The following SAMMSON variants were observed in gnomAD, a reference collection of about 807,000 sequenced individuals.
The protein encoded by SAMMSON is survival associated mitochondrial melanoma specific oncogenic non-coding RNA.
At chr3:70,069,593 A>G (rs1369534651) in intron 3 of SAMMSON, 1 of 152,134 alleles carries the variant, frequency 6.6e-6, no homozygotes, top group Non-Finnish European at 1.5e-5. Context: ...ACAAGCATTT[A>G]CCGGAAGCCC....
At chr3:70,239,853 C>T (rs1238490488) in intron 4 of SAMMSON, among the ~76,000 whole-genome samples, 1 of 152,050 alleles carries the variant, frequency 6.6e-6, no homozygotes, top group Non-Finnish European at 1.5e-5. Context: ...GATAGATCAT[C>T]AGTGAATATT....
At chr3:70,283,441 A>C (rs1011752456) in intron 6 of SAMMSON, among the ~76,000 whole-genome samples, 2 of 152,108 alleles carry the variant, frequency 1.3e-5, no homozygotes, top group African/African-American at 4.8e-5. Flanking sequence ...AGAATTGTTC[A>C]AAGAGCAAGG....
chr3:70,151,397 A>C (rs1008141570), intron 4 of SAMMSON, among the ~76,000 whole-genome samples: 1 of 152,058 alleles, frequency 6.6e-6, no homozygotes, highest in Non-Finnish European at 1.5e-5. Flanking sequence ...ATTCTTTGCT[A>C]CTGCCAGCAT....
intron 9 of SAMMSON, among the ~76,000 whole-genome samples, chr3:70,385,229 T>A (rs933698640): frequency 1.3e-5 from 2 of 152,082 alleles, no homozygotes; most frequent in Non-Finnish European, 2.9e-5. Flanking sequence ...CCTTGTTAAT[T>A]TTTTCGTGAA....
chr3:70,206,582 G>A (rs1701292625), intron 4 of SAMMSON: 1 of 397,612 alleles, frequency 2.5e-6, no homozygotes, highest in Admixed American at 4.4e-5. Flanking sequence ...CAGTGTCTCT[G>A]TGATGAACTG....
downstream of SAMMSON, among the ~76,000 whole-genome samples, chr3:70,393,589 G>A (rs1300924038): frequency 6.6e-6 from 1 of 152,084 alleles, no homozygotes; most frequent in Non-Finnish European, 1.5e-5. Context: ...ACTACAGAAG[G>A]TTTGTGATAA....
chr3:70,232,914 C>T (rs777355939), intron 4 of SAMMSON, among the ~76,000 whole-genome samples: 9 of 152,012 alleles, frequency 5.9e-5, no homozygotes, highest in South Asian at 2.1e-4. Context: ...CTATGCTAGG[C>T]GTGGGGGTTC....
At chr3:70,034,198 T>C (rs73836008) in intron 3 of SAMMSON, among the ~76,000 whole-genome samples, 7,058 of 152,206 alleles carry the variant, frequency 0.046, 373 homozygotes, top group African/African-American at 0.13. Flanking sequence ...TAAAAGTTTA[T>C]ATTAACAAAA....
intron 7 of SAMMSON, among the ~76,000 whole-genome samples, chr3:70,340,973 CT>C (rs1702706911): frequency 6.6e-6 from 1 of 152,116 alleles, no homozygotes; most frequent in African/African-American, 2.4e-5. Context: ...TCTGTTCCCT[CT>C]TCTGTAAAAT....
chr3:70,231,032 AC>A (rs1436198816), intron 4 of SAMMSON, among the ~76,000 whole-genome samples: 2 of 152,198 alleles, frequency 1.3e-5, no homozygotes, highest in African/African-American at 2.4e-5. Flanking sequence ...ATCGTGTCTT[AC>A]CATCGCTCTG....
At chr3:70,210,870 A>G (rs1018429516) in intron 4 of SAMMSON, among the ~76,000 whole-genome samples, 1 of 152,148 alleles carries the variant, frequency 6.6e-6, no homozygotes, top group Non-Finnish European at 1.5e-5. Context: ...GAGAAAAGAT[A>G]GACAGCTAGT....
intron 8 of SAMMSON, among the ~76,000 whole-genome samples, chr3:70,354,735 G>A (rs1426626305): frequency 6.6e-6 from 1 of 152,160 alleles, no homozygotes; most frequent in East Asian, 1.9e-4. Context: ...CCTAAATTTG[G>A]TTTGAGGACT....
At chr3:70,222,199 T>G (rs987047865) in intron 4 of SAMMSON, among the ~76,000 whole-genome samples, 8 of 152,070 alleles carry the variant, frequency 5.3e-5, no homozygotes, top group African/African-American at 1.9e-4. Context: ...CTAAGGCAGG[T>G]GAACAGTCAG....
At chr3:70,341,251 C>T (rs1050587876) in intron 7 of SAMMSON, among the ~76,000 whole-genome samples, 8 of 152,050 alleles carry the variant, frequency 5.3e-5, no homozygotes, top group African/African-American at 1.9e-4. Context: ...CACAAGAGAC[C>T]ATGGAAGAGC....
At chr3:70,080,947 G>C (rs1362297688) in intron 4 of SAMMSON, among the ~76,000 whole-genome samples, 1 of 152,172 alleles carries the variant, frequency 6.6e-6, no homozygotes, top group Non-Finnish European at 1.5e-5. Context: ...GCAGCCCAGG[G>C]AGGTGGGTAT....
Position 70,337,164 on chromosome 3 carries a change from ACTTAATATAATAT to A in SAMMSON, n.740-17010_740-16998del, listed in dbSNP as rs1340713771. 7.5e-4 allele frequency among the ~76,000 whole-genome samples: 43 copies of A among 57,212 alleles called. 1 individual carries two copies. The highest frequency in any genetic ancestry group is 1.4e-3 in the Admixed American group (8 of 5,642). The allele number at this position is 57,212 out of a possible 152,430, so 37.5% of individuals were successfully genotyped here. ...ATATTATTATTAATAATAATATCTA[ACTTAATATAATAT>A]TAATAATATGTAACTTAATAATATA... On this transcript the variant is annotated intron_variant and non_coding_transcript_variant, in intron 7 of 9. Coordinates refer to ENST00000642114, the Ensembl canonical transcript of SAMMSON.
chr3:70,242,697 C>G (rs1157846324), intron 4 of SAMMSON, among the ~76,000 whole-genome samples: 1 of 152,246 alleles, frequency 6.6e-6, no homozygotes, highest in South Asian at 2.1e-4. Flanking sequence ...AAGATAGCAA[C>G]TTGTCTGGTG....
At chr3:70,355,139 T>G (rs556051769) in intron 8 of SAMMSON, among the ~76,000 whole-genome samples, 2 of 152,304 alleles carry the variant, frequency 1.3e-5, no homozygotes, top group Admixed American at 1.3e-4. Flanking sequence ...AGGTCTCTTC[T>G]GAATTCATAG....
intron 4 of SAMMSON, among the ~76,000 whole-genome samples, chr3:70,231,089 ATTG>A (rs1055750408): frequency 6.6e-6 from 1 of 152,136 alleles, no homozygotes; most frequent in Non-Finnish European, 1.5e-5. Flanking sequence ...TAACAGCTCT[ATTG>A]TTATCAATTG....
Sources: allele counts gnomAD v4.1 joint callset (sites outside exome capture counted in the v4.1 genomes callset), GRCh38; gene constraint gnomAD v4.1.1; transcripts MANE v1.5; gene names NCBI Gene and HGNC (gene_info 2026-07-23, HGNC 2026-07-21).